TTC6: variants seen among roughly 807,000 people sequenced by gnomAD.
TTC6 encodes tetratricopeptide repeat protein 6.
TTC6 carries 172 observed loss-of-function variants against 210.4 expected under a neutral mutation model. The ratio of observed to expected loss-of-function variants is 0.82; its 90% CI spans 0.72 to 0.93. TTC6 has a LOEUF of 0.93. TTC6 is among the 40% of genes least tolerant of loss of function. TTC6 has a pLI of 0.00. For synonymous variants in TTC6, 804 were observed against 819.6 expected (o/e 0.98, Z 0.32); for missense variants, 2,414 against 2,318.1 (o/e 1.04, Z -0.85).
At chr14:37,781,636 T>C (rs2096055055) in intron 14 of TTC6, among the ~76,000 whole-genome samples, 1 of 152,212 alleles carries the variant, frequency 6.6e-6, no homozygotes, top group Admixed American at 6.5e-5. Context: ...TTTAATCAGA[T>C]CCCATTTGTC....
chr14:37,794,969 A>T (rs1235372114), intron 17 of TTC6, among the ~76,000 whole-genome samples: 10 of 152,188 alleles, frequency 6.6e-5, no homozygotes, highest in Admixed American at 5.9e-4. Context: ...GATAAAAGAG[A>T]ACACAAACAC....
intron 12 of TTC6, among the ~76,000 whole-genome samples, 199 bp from the exon 15 acceptor site, chr14:37,750,854 C>T (rs930772246): frequency 3.3e-5 from 5 of 152,026 alleles, no homozygotes; most frequent in African/African-American, 4.8e-5. Context: ...TGTGCCACTG[C>T]ACTCCAGCCT....
At chr14:37,693,916 C>T (rs982788261) in intron 3 of TTC6, among the ~76,000 whole-genome samples, 13 of 151,962 alleles carry the variant, frequency 8.6e-5, no homozygotes, top group Admixed American at 3.9e-4. Flanking sequence ...TCACCATAGA[C>T]AAAATCAAAT....
chr14:37,608,286 T>TTG (rs142169592), intron 2 of TTC6, among the ~76,000 whole-genome samples: 11,309 of 151,162 alleles, frequency 0.075, 506 homozygotes, highest in African/African-American at 0.13. Flanking sequence ...CAAGTTTTTT[T>TTG]TGTGTGTGTG....
chr14:37,718,328 A>G (rs1201675677), intron 6 of TTC6, among the ~76,000 whole-genome samples: 1 of 152,190 alleles, frequency 6.6e-6, no homozygotes, highest in African/African-American at 2.4e-5. Context: ...GCATGATCAT[A>G]TTAATCAATG....
chr14:37,742,781 C>T (rs148086858), intron 10 of TTC6, among the ~76,000 whole-genome samples: 3 of 152,112 alleles, frequency 2.0e-5, no homozygotes, highest in African/African-American at 7.2e-5. Flanking sequence ...CAGTGATGTT[C>T]TAGGAGCAAG....
At chr14:37,686,101 G>A (rs995906586) in intron 3 of TTC6, among the ~76,000 whole-genome samples, 26 of 152,008 alleles carry the variant, frequency 1.7e-4, no homozygotes, top group Non-Finnish European at 2.6e-4. Flanking sequence ...CGTGGGAAGA[G>A]CACAGGCTCT....
exon 29 of TTC6, chr14:37,827,265 G>A (rs907404647): frequency 1.2e-6 from 2 of 1,613,028 alleles, no homozygotes; most frequent in Non-Finnish European, 1.7e-6. Flanking sequence ...CAAACAGAAT[G>A]CAATGAAAGA....
intron 3 of TTC6, among the ~76,000 whole-genome samples, chr14:37,690,174 A>T (rs1039987502): frequency 6.6e-6 from 1 of 152,124 alleles, no homozygotes; most frequent in African/African-American, 2.4e-5. Context: ...AATGGACTAT[A>T]AGACAGTATT....
Position 37,633,300 on chromosome 14 carries a change from G to A in TTC6, c.939+10297G>A, listed in dbSNP as rs140284639. On this transcript the variant is annotated intron_variant, in intron 1 of 30. Transcript: ENST00000553443. ...TGGTCTGCATGTTGCGAAGACCGTG[G>A]GAAAAACATAGTATCTGGGCTGTAA... is the stretch of plus-strand genomic sequence containing the variant. Among the ~76,000 whole-genome samples the A allele has an allele frequency of 2.5e-3, 381 of 152,320 alleles. 1 individual carries two copies. The highest frequency in any genetic ancestry group is 8.7e-3 in the African/African-American group (360 of 41,570).
exon 1 of TTC6, chr14:37,622,512 G>A: frequency 1.3e-6 from 2 of 1,535,200 alleles, no homozygotes; most frequent in Middle Eastern, 1.7e-4. Context: ...CAGACCCGTG[G>A]TCCTGCTGCC....
rs112929585 is a variant in TTC6, at chr14:37,717,827, C to T, written c.1713+3031C>T. 6.5e-3 allele frequency among the ~76,000 whole-genome samples: 987 copies of T among 152,254 alleles called. 6 individuals carry two copies. The highest frequency in any genetic ancestry group is 0.044 in the Middle Eastern group (13 of 294). ...TTGCTATGGTTCAAATGTTTGTCTCCTCCAAAACTCATGTTGAAATTTAAT... is the reference window on the plus strand; with the variant it reads ...TTGCTATGGTTCAAATGTTTGTCTCTTCCAAAACTCATGTTGAAATTTAAT... On this transcript the variant is annotated intron_variant, in intron 6 of 30. Transcript: ENST00000553443.
chr14:37,740,353 A>G (rs950144680), intron 10 of TTC6, among the ~76,000 whole-genome samples: 4 of 152,186 alleles, frequency 2.6e-5, no homozygotes, highest in Non-Finnish European at 5.9e-5. Flanking sequence ...TAACTTTCTT[A>G]TAACAAACAT....
At chr14:37,623,923 C>CAAAG (rs371628650) in intron 1 of TTC6, among the ~76,000 whole-genome samples, 15 of 152,028 alleles carry the variant, frequency 9.9e-5, no homozygotes, top group South Asian at 8.3e-4. Flanking sequence ...GCCCCAAACC[C>CAAAG]AAAGAAAGAA....
At position 37,798,280 on chromosome 14, in the gene TTC6, A is replaced by G. The variant is rs185389998; in HGVS notation, c.4029+1333A>G. Among the ~76,000 whole-genome samples the G allele has an allele frequency of 6.2e-4, 95 of 152,148 alleles. 1 individual carries two copies. Among genetic ancestry groups the G allele is most frequent in the Non-Finnish European group, 1.0e-4 (7 of 67,940 alleles). The stretch of plus-strand genomic sequence containing the variant: ...CTTTAGTTTATGATCAGAATGATGT[A>G]TTGCCCCATTTATTTCACTTTTTCT... On this transcript the variant is annotated intron_variant, in intron 20 of 30. Coordinates refer to ENST00000553443, the Ensembl canonical transcript of TTC6.
At position 37,603,822 on chromosome 14, in the gene TTC6, G is replaced by A. The variant is rs572612176; in HGVS notation, c.-234-2841G>A. On this transcript the variant is annotated intron_variant, in intron 1 of 2. Coordinates refer to the TTC6 transcript ENST00000556845. ...CGTATTCCATGCAATCGACAGTGCA[G>A]TCGGACATGTTCAATGCAATTCCGG... Among the ~76,000 whole-genome samples, 8 of 152,336 alleles carry A rather than the reference G, an allele frequency of 5.3e-5. No individual in the cohort carries two copies. In the South Asian group the frequency reaches 1.7e-3, roughly 32 times the overall value.
chr14:37,727,582 C>T (rs1000254965), intron 7 of TTC6, among the ~76,000 whole-genome samples: 1 of 151,878 alleles, frequency 6.6e-6, no homozygotes, highest in Non-Finnish European at 1.5e-5. Flanking sequence ...TGTGAGCCAC[C>T]ACGCCCAGAC....
In TTC6 at chr14:37,817,719, A is replaced by G. The variant is rs1040899471; in HGVS notation, c.4763+68A>G. 1.5e-5 allele frequency: 22 copies of G among 1,449,704 alleles called. No individual in the cohort carries two copies. In the African/African-American group the frequency reaches 2.8e-4, roughly 18 times the overall value. 89.8% of individuals were successfully genotyped at this position (1,449,704 alleles called of 1,614,324 possible). ...ATCAGACTTATCTAATTATCACCCC[A>G]TAAACAAGCCAGGAGAGAATGGAAG... is the stretch of plus-strand genomic sequence containing the variant. On this transcript the variant is annotated intron_variant, in intron 26 of 30. Transcript: ENST00000553443.
rs573230000 is a variant in TTC6, at chr14:37,714,134, T to C, written c.1572-521T>C. Among the ~76,000 whole-genome samples the C allele has an allele frequency of 3.8e-4, 58 of 152,334 alleles. 1 individual carries two copies. The highest frequency in any genetic ancestry group is 2.1e-3 in the South Asian group (10 of 4,830). On this transcript the variant is annotated intron_variant, in intron 5 of 30. Coordinates refer to ENST00000553443, the Ensembl canonical transcript of TTC6. ...ATCTCATCTGTTTAGCTTAATCTTTTATTGATAAGTTTTGTTCCATATATA... is the reference window on the plus strand; with the variant it reads ...ATCTCATCTGTTTAGCTTAATCTTTCATTGATAAGTTTTGTTCCATATATA...
Sources: allele counts gnomAD v4.1 joint callset (sites outside exome capture counted in the v4.1 genomes callset), GRCh38; gene constraint gnomAD v4.1.1; transcripts MANE v1.5; gene names NCBI Gene and HGNC (gene_info 2026-07-23, HGNC 2026-07-21).